The following TBC1D5 variants were observed in gnomAD, a reference collection of about 807,000 sequenced individuals.
The protein encoded by TBC1D5 is TBC1 domain family, member 5.
A neutral mutation model predicts 100.3 loss-of-function variants in TBC1D5; 75 were observed. The observed-to-expected ratio is 0.75, with a 90% CI of 0.62 to 0.91. The LOEUF is 0.91. Among genes scored for constraint, TBC1D5 ranks in the 40% least tolerant of loss-of-function variants. The probability of loss-of-function intolerance (pLI) is 0.00; values close to 1 mark genes in which losing one functional copy is unlikely to be tolerated. For synonymous variants in TBC1D5, 323 were observed against 325.6 expected (o/e 0.99, Z 0.09); for missense variants, 910 against 942.4 (o/e 0.97, Z 0.45).
At chr3:17,591,602 G>C (rs973196531) in intron 2 of TBC1D5, among the ~76,000 whole-genome samples, 11 of 152,106 alleles carry the variant, frequency 7.2e-5, no homozygotes, top group African/African-American at 2.7e-4. Flanking sequence ...GTAATTATTG[G>C]AGTTTCAGCT....
At chr3:17,228,730 C>T (rs879640706) in intron 17 of TBC1D5, among the ~76,000 whole-genome samples, 3 of 146,124 alleles carry the variant, frequency 2.1e-5, no homozygotes, top group Non-Finnish European at 4.5e-5. Context: ...AGTTACTGTT[C>T]GGATGAGACA....
At chr3:17,628,746 T>G (rs1438346546) in intron 1 of TBC1D5, among the ~76,000 whole-genome samples, 3 of 152,242 alleles carry the variant, frequency 2.0e-5, no homozygotes, top group African/African-American at 7.2e-5. Flanking sequence ...CTTATATGAA[T>G]GTACTCACTG....
At chr3:17,489,778 T>A (rs1411623930) in intron 3 of TBC1D5, among the ~76,000 whole-genome samples, 1 of 152,212 alleles carries the variant, frequency 6.6e-6, no homozygotes, top group Non-Finnish European at 1.5e-5. Flanking sequence ...CTGGGTAGAT[T>A]CCACTTCTTT....
chr3:17,716,011 C>T (rs1197696637), intron 1 of TBC1D5, among the ~76,000 whole-genome samples: 2 of 151,724 alleles, frequency 1.3e-5, no homozygotes, highest in African/African-American at 2.4e-5. Flanking sequence ...GAGACCATGC[C>T]GTTGGACTCC....
rs960880195 is a variant in TBC1D5 at position 17,210,311 on chromosome 3, C to T, written c.1752+3896G>A. On this transcript the variant is annotated intron_variant, in intron 18 of 21. Coordinates refer to ENST00000253692, the Ensembl canonical transcript of TBC1D5. ...CAAGTGATTCTCCTGCCTCAGCCTC[C>T]CGTATAGCTGGGACTACAGGCACCC... 7.2e-5 allele frequency among the ~76,000 whole-genome samples: 11 copies of T among 152,106 alleles called. No homozygotes were observed. The East Asian group carries it at 1.7e-3, about 24-fold the overall frequency.
intron 2 of TBC1D5, among the ~76,000 whole-genome samples, chr3:17,535,301 A>G (rs887332292): frequency 3.3e-5 from 5 of 152,206 alleles, no homozygotes; most frequent in Non-Finnish European, 7.3e-5. Flanking sequence ...GTGTTTCTCC[A>G]TGTTAGTGTA....
At chr3:17,700,091 T>A (rs2072914781) in intron 1 of TBC1D5, 1 of 151,452 alleles carries the variant, frequency 6.6e-6, no homozygotes. Context: ...TAATTATCCA[T>A]CATCTGCTTT....
intron 3 of TBC1D5, among the ~76,000 whole-genome samples, chr3:17,497,247 T>C (rs1446973720): frequency 6.6e-6 from 1 of 152,188 alleles, no homozygotes; most frequent in Non-Finnish European, 1.5e-5. Context: ...ACTCACCTTG[T>C]CACTCACTAT....
At chr3:17,721,791 G>A (rs1560553926) in intron 1 of TBC1D5, among the ~76,000 whole-genome samples, 1 of 151,980 alleles carries the variant, frequency 6.6e-6, no homozygotes, top group Non-Finnish European at 1.5e-5. Context: ...GACCAGCCTG[G>A]GCAACATGGC....
chr3:17,441,575 A>C (rs1158606976), intron 3 of TBC1D5, among the ~76,000 whole-genome samples: 3 of 152,196 alleles, frequency 2.0e-5, no homozygotes, highest in Non-Finnish European at 4.4e-5. Context: ...GTACTATGAG[A>C]TGAGGATAAG....
At chr3:17,558,286 T>C (rs186299357) in intron 2 of TBC1D5, among the ~76,000 whole-genome samples, 174 of 152,272 alleles carry the variant, frequency 1.1e-3, no homozygotes, top group African/African-American at 3.4e-3. Context: ...GAAATCTTTA[T>C]GGAAAACACA....
At chr3:17,178,088 T>TAC (rs1559357125) in intron 19 of TBC1D5, among the ~76,000 whole-genome samples, 2 of 133,680 alleles carry the variant, frequency 1.5e-5, no homozygotes. Flanking sequence ...TTTTTTGAGA[T>TAC]GGAGTCTCGC....
chr3:17,517,874 G>GA (rs978902137), intron 2 of TBC1D5, among the ~76,000 whole-genome samples: 1 of 151,620 alleles, frequency 6.6e-6, no homozygotes, highest in Admixed American at 6.6e-5. Flanking sequence ...TGACACTATG[G>GA]AAAAAAAATT....
At chr3:17,232,014 G>C (rs1365021572) in intron 17 of TBC1D5, among the ~76,000 whole-genome samples, 1 of 152,086 alleles carries the variant, frequency 6.6e-6, no homozygotes. Context: ...AAAGCCAAGG[G>C]ACCAGTGAAA....
At chr3:17,170,079 C>G (rs572656555) in intron 19 of TBC1D5, among the ~76,000 whole-genome samples, 8 of 152,322 alleles carry the variant, frequency 5.3e-5, no homozygotes, top group African/African-American at 1.9e-4. Flanking sequence ...TAACAGGCCA[C>G]GGGCCAGTAC....
chr3:17,635,794 A>G (rs1308256613), intron 1 of TBC1D5, among the ~76,000 whole-genome samples: 1 of 152,250 alleles, frequency 6.6e-6, no homozygotes, highest in African/African-American at 2.4e-5. Flanking sequence ...ATGGAATGGG[A>G]GGAGAGGAAT....
At chr3:17,203,286 C>T (rs1420109665) in intron 18 of TBC1D5, among the ~76,000 whole-genome samples, 2 of 152,184 alleles carry the variant, frequency 1.3e-5, no homozygotes, top group Non-Finnish European at 2.9e-5. Flanking sequence ...CTGATTTCTC[C>T]CTTTCAGAAT....
chr3:17,243,327 G>A (rs1188742999), intron 16 of TBC1D5, among the ~76,000 whole-genome samples: 2 of 152,058 alleles, frequency 1.3e-5, no homozygotes, highest in Non-Finnish European at 2.9e-5. Flanking sequence ...TTCGATCAAA[G>A]GCTAAAGAGA....
chr3:17,421,270 T>C (rs996584013), intron 4 of TBC1D5, among the ~76,000 whole-genome samples: 2 of 125,828 alleles, frequency 1.6e-5, no homozygotes, highest in African/African-American at 5.8e-5. Flanking sequence ...CAAAAGGTAA[T>C]ATTAAGACTC....
Sources: gnomAD v4.1 joint callset for allele counts (sites outside exome capture counted in the v4.1 genomes callset) on GRCh38, gnomAD v4.1.1 for gene constraint, MANE v1.5 for transcripts, NCBI Gene and HGNC (gene_info 2026-07-23, HGNC 2026-07-21) for gene names.